SENP7: variants seen among roughly 807,000 people sequenced by gnomAD.
SENP7 encodes SUMO specific peptidase 7, also known as sentrin-specific protease 7.
SENP7 carries 64 observed loss-of-function variants against 141.2 expected under a neutral mutation model. The observed-to-expected ratio is 0.45, with a 90% CI of 0.37 to 0.56. The LOEUF (loss-of-function observed/expected upper bound fraction) is 0.56. SENP7 is among the 20% of genes least tolerant of loss of function. The pLI, the probability that SENP7 is intolerant of heterozygous loss-of-function variation, is 0.00. For synonymous variants in SENP7, 382 were observed against 426.4 expected (o/e 0.90, Z 1.28); for missense variants, 1,025 against 1,212.2 (o/e 0.85, Z 2.29).
intron 13 of SENP7, among the ~76,000 whole-genome samples, chr3:101,344,991 C>CAAAAAAAAAAA (rs71132568): frequency 6.5e-5 from 4 of 61,350 alleles, no homozygotes; most frequent in Non-Finnish European, 1.1e-4. Flanking sequence ...AAAAAGAAAG[C>CAAAAAAAAAAA]AAAAAAAAAA....
At chr3:101,368,106 T>C in intron 7 of SENP7, 95 bp from the exon 8 acceptor site, 1 of 890,214 alleles carries the variant, frequency 1.1e-6, no homozygotes, top group East Asian at 2.5e-5. Context: ...ATTGCTATAC[T>C]ACTTCCAAAG....
chr3:101,509,906 G>A (rs996434345), intron 1 of SENP7, among the ~76,000 whole-genome samples: 4 of 152,104 alleles, frequency 2.6e-5, no homozygotes, highest in African/African-American at 9.7e-5. Context: ...TACCTTATAA[G>A]GCTTTTGAAA....
intron 4 of SENP7, among the ~76,000 whole-genome samples, chr3:101,436,712 C>G (rs2062402076): frequency 6.6e-6 from 1 of 151,986 alleles, no homozygotes. Context: ...AAATGCAAAT[C>G]AAAACTACAA....
chr3:101,394,273 A>G (rs535880785), intron 6 of SENP7, among the ~76,000 whole-genome samples: 1 of 152,144 alleles, frequency 6.6e-6, no homozygotes, highest in Non-Finnish European at 1.5e-5. Flanking sequence ...TGCACATGAC[A>G]GGATTTCATT....
intron 2 of SENP7, among the ~76,000 whole-genome samples, chr3:101,499,681 A>G (rs559684500): frequency 1.3e-5 from 2 of 152,112 alleles, no homozygotes; most frequent in African/African-American, 4.8e-5. Context: ...GACTACAGGC[A>G]CCTGCCACCA....
intron 4 of SENP7, chr3:101,457,327 G>T: frequency 7.1e-7 from 1 of 1,416,156 alleles, no homozygotes; most frequent in East Asian, 2.3e-5. Context: ...GTAGCAAGTG[G>T]TGCTTTTCCA....
At chr3:101,467,176 C>A (rs2063790476) in intron 3 of SENP7, among the ~76,000 whole-genome samples, 1 of 152,214 alleles carries the variant, frequency 6.6e-6, no homozygotes, top group South Asian at 2.1e-4. Flanking sequence ...AACAAAGTGG[C>A]CGGGCAGCTA....
At chr3:101,453,359 C>T (rs931750583) in intron 4 of SENP7, among the ~76,000 whole-genome samples, 9 of 152,242 alleles carry the variant, frequency 5.9e-5, no homozygotes, top group East Asian at 1.9e-4. Context: ...AGCCATCCCA[C>T]TACTGGGTAT....
chr3:101,331,516 T>G (rs2059052774), intron 19 of SENP7, among the ~76,000 whole-genome samples: 1 of 150,500 alleles, frequency 6.6e-6, no homozygotes, highest in African/African-American at 2.4e-5. Flanking sequence ...ACATGCAATT[T>G]TATCTGTCAA....
chr3:101,490,146 T>C (rs2064905286), intron 3 of SENP7, among the ~76,000 whole-genome samples: 2 of 150,676 alleles, frequency 1.3e-5, no homozygotes, highest in African/African-American at 4.9e-5. Flanking sequence ...GATCGTGCCA[T>C]TGCACTCCAG....
intron 3 of SENP7, among the ~76,000 whole-genome samples, chr3:101,480,132 A>G (rs893611446): frequency 2.0e-5 from 3 of 152,116 alleles, no homozygotes; most frequent in African/African-American, 7.2e-5. Context: ...TGCAATCCCT[A>G]TCAAAAGACC....
chr3:101,360,181 A>G (rs2059857303), intron 11 of SENP7, among the ~76,000 whole-genome samples: 1 of 152,150 alleles, frequency 6.6e-6, no homozygotes, highest in South Asian at 2.1e-4. Context: ...GTGGCCAAAA[A>G]AATGTTAATT....
intron 1 of SENP7, among the ~76,000 whole-genome samples, chr3:101,508,629 A>G (rs1200425168): frequency 6.6e-6 from 1 of 152,134 alleles, no homozygotes; most frequent in Admixed American, 6.5e-5. Flanking sequence ...TTTAAGGAAA[A>G]CTGTTCCTTA....
intron 5 of SENP7, among the ~76,000 whole-genome samples, chr3:101,413,282 T>C (rs1374268963): frequency 6.6e-6 from 1 of 152,182 alleles, no homozygotes; most frequent in African/African-American, 2.4e-5. Context: ...CTAAGTCTCC[T>C]ATTATATATA....
At chr3:101,448,200 A>G (rs142668113) in intron 4 of SENP7, among the ~76,000 whole-genome samples, 244 of 152,352 alleles carry the variant, frequency 1.6e-3, no homozygotes, top group African/African-American at 5.5e-3. Flanking sequence ...GGTTTCTTAG[A>G]TATGACACCA....
At chr3:101,476,558 T>A (rs2064226597) in intron 3 of SENP7, among the ~76,000 whole-genome samples, 1 of 152,216 alleles carries the variant, frequency 6.6e-6, no homozygotes, top group Admixed American at 6.5e-5. Context: ...ACAATAAACA[T>A]ACATGTGCAT....
intron 5 of SENP7, among the ~76,000 whole-genome samples, chr3:101,414,825 G>C (rs1175297649): frequency 6.6e-6 from 1 of 152,122 alleles, no homozygotes; most frequent in Admixed American, 6.5e-5. Context: ...ATGGAAAAAA[G>C]TGGTGTTAAA....
intron 3 of SENP7, among the ~76,000 whole-genome samples, chr3:101,470,818 T>C (rs1345254274): frequency 6.6e-6 from 1 of 152,150 alleles, no homozygotes; most frequent in African/African-American, 2.4e-5. Flanking sequence ...GGATACAAAA[T>C]AAATGTGCAA....
chr3:101,342,814 C>T (rs759310822), intron 14 of SENP7, among the ~76,000 whole-genome samples: 10 of 151,910 alleles, frequency 6.6e-5, no homozygotes, highest in African/African-American at 2.2e-4. Flanking sequence ...TACAGGAATG[C>T]GCCACCACAC....
Sources: allele counts gnomAD v4.1 joint callset (sites outside exome capture counted in the v4.1 genomes callset), GRCh38; gene constraint gnomAD v4.1.1; transcripts MANE v1.5; gene names NCBI Gene and HGNC (gene_info 2026-07-23, HGNC 2026-07-21).